The following COL28A1 variants were observed in gnomAD, a reference collection of about 807,000 sequenced individuals.
COL28A1 encodes the protein collagen type XXVIII alpha 1 chain.
COL28A1 carries 161 observed loss-of-function variants against 150.2 expected under a neutral mutation model. That is an observed-to-expected ratio of 1.07 (90% CI 0.94 to 1.22). The LOEUF is 1.22. Among genes scored for constraint, COL28A1 ranks in the 50% most tolerant of loss-of-function variants. COL28A1 has a pLI of 0.00. For synonymous variants in COL28A1, 552 were observed against 469.7 expected (o/e 1.18, Z -2.26); for missense variants, 1,617 against 1,388.3 (o/e 1.16, Z -2.62).
At chr7:7,501,839 G>T (rs1299714999) in intron 11 of COL28A1, among the ~76,000 whole-genome samples, 1 of 152,130 alleles carries the variant, frequency 6.6e-6, no homozygotes, top group Admixed American at 6.5e-5. Context: ...CAGGGATAAG[G>T]CTTCTTGGGC....
At chr7:7,427,193 A>C (rs1784691812) in intron 25 of COL28A1, among the ~76,000 whole-genome samples, 1 of 152,182 alleles carries the variant, frequency 6.6e-6, no homozygotes, top group Non-Finnish European at 1.5e-5. Flanking sequence ...ATATAACTGC[A>C]TTGGGGAGTA....
chr7:7,520,224 A>G lies in COL28A1; in HGVS notation c.760-109T>C, dbSNP rs192856399. ...TTCCTAGAATGAGGGAGAATTGTAA[A>G]ACCTTTACCTGCCAAGCAGAAATTC... is the stretch of plus-strand genomic sequence containing the variant. On this transcript the variant is annotated intron_variant, in intron 5 of 34. Transcript: ENST00000399429. 1.0e-5 allele frequency: 6 copies of G among 578,404 alleles called. No homozygotes were observed. In the Admixed American group the frequency reaches 1.4e-4, roughly 13 times the overall value. The allele number at this position is 578,404 out of a possible 1,614,324, so 35.8% of individuals were successfully genotyped here.
intron 33 of COL28A1, among the ~76,000 whole-genome samples, chr7:7,367,934 A>G (rs1446759187): frequency 6.8e-4 from 102 of 149,684 alleles, no homozygotes; most frequent in Non-Finnish European, 4.4e-5. Flanking sequence ...CCTCTCCCTC[A>G]CCTCCAATCC....
chr7:7,375,555 A>C, intron 30 of COL28A1, 58 bp from the exon 31 acceptor site: 9 of 1,134,730 alleles, frequency 7.9e-6, no homozygotes, highest in Non-Finnish European at 1.2e-6. Context: ...TTTTTCCTAG[A>C]GCCATAAAAG....
chr7:7,475,877 C>T (rs1461319153), intron 14 of COL28A1, among the ~76,000 whole-genome samples: 1 of 152,132 alleles, frequency 6.6e-6, no homozygotes, highest in Non-Finnish European at 1.5e-5. Context: ...TCCCTTTATC[C>T]AACATATTAT....
intron 33 of COL28A1, among the ~76,000 whole-genome samples, chr7:7,369,708 G>A (rs1306947712): frequency 6.6e-6 from 1 of 152,152 alleles, no homozygotes; most frequent in Non-Finnish European, 1.5e-5. Context: ...GGTATCCTAG[G>A]CCTGATTCCT....
intron 27 of COL28A1, chr7:7,417,549 G>GAC (rs1784168957): frequency 2.9e-4 from 21 of 73,536 alleles, no homozygotes; most frequent in African/African-American, 1.4e-3. Context: ...AGGGGGGGGG[G>GAC]AGAGAGAGAG....
intron 6 of COL28A1, 37 bp downstream of exon 6, chr7:7,520,025 A>G: frequency 1.0e-6 from 1 of 983,622 alleles, no homozygotes; most frequent in Non-Finnish European, 1.6e-6. Flanking sequence ...CTAGAAGGAG[A>G]TACGCTGGTT....
intron 19 of COL28A1, 58 bp from the exon 20 acceptor site, chr7:7,443,711 C>G: frequency 6.2e-7 from 1 of 1,602,236 alleles, no homozygotes; most frequent in South Asian, 1.1e-5. Context: ...CTGTACGTAT[C>G]ATCCCACCTT....
the COL28A1 span, among the ~76,000 whole-genome samples, chr7:7,338,710 C>T: frequency 0.012 from 1,897 of 152,170 alleles, 40 homozygotes; most frequent in African/African-American, 0.043. Flanking sequence ...CTAGCTAGGA[C>T]TTTCCTTATT....
chr7:7,443,664 T>C lies in COL28A1; in HGVS notation c.1582-11A>G. On this transcript the variant is annotated splice_polypyrimidine_tract_variant and intron_variant, in intron 19 of 34. Coordinates refer to ENST00000399429, the MANE Select transcript of COL28A1 (RefSeq NM_001037763.3). Reference sequence around the variant, plus strand: ...AAGCCCCGCTTCTCCCTAGAGAAAATGACACTGATGTGTTAGCTGACCCTC... The same window carrying C: ...AAGCCCCGCTTCTCCCTAGAGAAAACGACACTGATGTGTTAGCTGACCCTC... 6.2e-7 allele frequency: 1 copy of C among 1,613,960 alleles called. No homozygotes were observed. Among genetic ancestry groups the C allele is most frequent in the Non-Finnish European group, 8.5e-7 (1 of 1,179,952 alleles).
chr7:7,478,703 A>G lies in COL28A1; in HGVS notation c.1165-1523T>C, dbSNP rs370513094. ...AGCCCTGCCCCGCGGAGAGGCAGCTAAGGCCAAGTGAGAAATCGAGCGCAC... is the reference window on the plus strand; with the variant it reads ...AGCCCTGCCCCGCGGAGAGGCAGCTGAGGCCAAGTGAGAAATCGAGCGCAC... On this transcript the variant is annotated intron_variant, in intron 13 of 34. Coordinates refer to ENST00000399429, the MANE Select transcript of COL28A1 (RefSeq NM_001037763.3). 7.9e-5 allele frequency among the ~76,000 whole-genome samples: 12 copies of G among 152,376 alleles called. No individual in the cohort carries two copies. In the East Asian group the frequency reaches 1.3e-3, roughly 17 times the overall value.
intron 30 of COL28A1, among the ~76,000 whole-genome samples, chr7:7,376,855 TAC>T (rs765211667): frequency 3.2e-4 from 48 of 152,324 alleles, no homozygotes; most frequent in Non-Finnish European, 5.3e-4. Flanking sequence ...GGCTCTGCGA[TAC>T]ACACTCTCAC....
intron 25 of COL28A1, chr7:7,431,572 G>A (rs191061012): frequency 2.2e-4 from 105 of 471,098 alleles, no homozygotes; most frequent in African/African-American, 1.9e-3. Context: ...GCTGAATGTC[G>A]GCAGCCAGGG....
chr7:7,340,112 T>C, the COL28A1 span, among the ~76,000 whole-genome samples: 1 of 152,018 alleles, frequency 6.6e-6, no homozygotes, highest in Non-Finnish European at 1.5e-5. Context: ...TGCCTCAGCC[T>C]CTGGAGTAGC....
chr7:7,361,305 T>C (rs2348043), intron 33 of COL28A1, among the ~76,000 whole-genome samples: 1 of 151,736 alleles, frequency 6.6e-6, no homozygotes, highest in African/African-American at 2.4e-5. Context: ...ACTTTTTTTT[T>C]AAAAATAGTG....
intron 21 of COL28A1, among the ~76,000 whole-genome samples, chr7:7,439,501 T>C (rs1055800783): frequency 1.3e-5 from 2 of 152,232 alleles, no homozygotes; most frequent in East Asian, 1.9e-4. Flanking sequence ...CAATTACTTT[T>C]ATACCATGAA....
At chr7:7,518,003 A>C (rs900159925) in intron 6 of COL28A1, among the ~76,000 whole-genome samples, 166 bp from the exon 7 acceptor site, 2 of 146,792 alleles carry the variant, frequency 1.4e-5, no homozygotes, top group African/African-American at 2.5e-5. Flanking sequence ...AAAAAAAAAA[A>C]TAGCAACTCA....
Position 7,502,919 on chromosome 7 carries a change from G to A in COL28A1, c.1026+3095C>T, listed in dbSNP as rs1385419581. ...TCACCGTGTTAGCCAGGATGGTCTC[G>A]ATCTCCTGACCTCGTGATCCGCCCG... On this transcript the variant is annotated intron_variant, in intron 11 of 34. Transcript: ENST00000399429. Among the ~76,000 whole-genome samples the A allele has an allele frequency of 4.3e-5, 2 of 46,848 alleles. 1 individual carries two copies. The highest frequency in any genetic ancestry group is 9.3e-4 in the African/African-American group (2 of 2,144). The allele number at this position is 46,848 out of a possible 152,430, so 30.7% of individuals were successfully genotyped here. A position where few individuals can be genotyped will look rare whatever the true frequency, so the allele number is the denominator to read the frequency against.
Sources: gnomAD v4.1 joint callset for allele counts (sites outside exome capture counted in the v4.1 genomes callset) on GRCh38, gnomAD v4.1.1 for gene constraint, MANE v1.5 for transcripts, NCBI Gene and HGNC (gene_info 2026-07-23, HGNC 2026-07-21) for gene names.